MARCHF1: variants seen among roughly 807,000 people sequenced by gnomAD.
MARCHF1 encodes the protein E3 ubiquitin-protein ligase MARCHF1.
Under a neutral mutation model 54.2 loss-of-function variants are expected in MARCHF1, and 40 were observed. The observed-to-expected ratio is 0.74, with a 90% CI of 0.57 to 0.96. The LOEUF (loss-of-function observed/expected upper bound fraction) is 0.96. Ranked by LOEUF, MARCHF1 falls within the 40% of genes least tolerant of loss-of-function variation. MARCHF1 has a pLI of 0.00. For missense variants in MARCHF1, 586 were observed against 656.5 expected, an observed-to-expected ratio of 0.89 and a Z score of 1.17; for synonymous variants, 236 against 236.3, an observed-to-expected ratio of 1.00 and a Z score of 0.01.
At chr4:163,964,057 T>C (rs1246777647) in intron 3 of MARCHF1, among the ~76,000 whole-genome samples, 1 of 152,006 alleles carries the variant, frequency 6.6e-6, no homozygotes, top group Non-Finnish European at 1.5e-5. Context: ...AAGGGTTTTC[T>C]GGGACCCCAG....
At chr4:164,035,566 G>A (rs1488906441) in intron 2 of MARCHF1, among the ~76,000 whole-genome samples, 1 of 149,320 alleles carries the variant, frequency 6.7e-6, no homozygotes, top group African/African-American at 2.5e-5. Flanking sequence ...AGAAACTCAT[G>A]CTTAAACCTT....
At chr4:163,610,726 G>A (rs553071806) in intron 7 of MARCHF1, among the ~76,000 whole-genome samples, 28 of 152,092 alleles carry the variant, frequency 1.8e-4, no homozygotes, top group African/African-American at 6.0e-4. Context: ...TAAATTACAC[G>A]GTGACAGTTT....
chr4:164,026,510 C>T (rs547666652), intron 2 of MARCHF1, among the ~76,000 whole-genome samples: 1 of 151,788 alleles, frequency 6.6e-6, no homozygotes, highest in East Asian at 1.9e-4. Context: ...TAGACACACA[C>T]AAAAAAATAT....
At chr4:163,638,482 T>A (rs140101844) in intron 5 of MARCHF1, among the ~76,000 whole-genome samples, 318 of 152,236 alleles carry the variant, frequency 2.1e-3, no homozygotes, top group African/African-American at 6.9e-3. Context: ...AATGCTATGA[T>A]TGAAAGTTTC....
chr4:164,285,247 T>C (rs1734113912), intron 1 of MARCHF1, among the ~76,000 whole-genome samples: 1 of 151,978 alleles, frequency 6.6e-6, no homozygotes, highest in African/African-American at 2.4e-5. Flanking sequence ...TGAAGATATT[T>C]GGCCTGAAGC....
intron 3 of MARCHF1, among the ~76,000 whole-genome samples, chr4:163,913,182 T>C (rs1751232717): frequency 6.6e-6 from 1 of 152,164 alleles, no homozygotes; most frequent in African/African-American, 2.4e-5. Context: ...CCAAAATGCA[T>C]CAGAGTGGTA....
At chr4:163,667,660 C>T (rs1743589204) in intron 5 of MARCHF1, among the ~76,000 whole-genome samples, 2 of 151,486 alleles carry the variant, frequency 1.3e-5, no homozygotes, top group South Asian at 2.1e-4. Context: ...GGATCTTGCT[C>T]TATTACCCAG....
At chr4:163,715,989 C>T (rs1197470867) in intron 4 of MARCHF1, among the ~76,000 whole-genome samples, 1 of 152,084 alleles carries the variant, frequency 6.6e-6, no homozygotes, top group African/African-American at 2.4e-5. Flanking sequence ...GAATTTTCAT[C>T]AAGATAATGC....
At chr4:163,945,406 G>C (rs1203139592) in intron 3 of MARCHF1, among the ~76,000 whole-genome samples, 1 of 152,118 alleles carries the variant, frequency 6.6e-6, no homozygotes, top group Admixed American at 6.6e-5. Flanking sequence ...CAATCTGTTT[G>C]GGGTTGATTA....
At chr4:164,267,762 T>C (rs2111298548) in intron 1 of MARCHF1, among the ~76,000 whole-genome samples, 1 of 152,144 alleles carries the variant, frequency 6.6e-6, no homozygotes, top group African/African-American at 2.4e-5. Context: ...GTACTAGAAA[T>C]TAAAAAAATA....
At chr4:164,147,323 G>C (rs1650198873) in intron 1 of MARCHF1, among the ~76,000 whole-genome samples, 1 of 148,698 alleles carries the variant, frequency 6.7e-6, no homozygotes. Context: ...CCATTACTGG[G>C]TATATACCCA....
Position 164,145,049 on chromosome 4 carries a change from C to T in MARCHF1, c.-322-33387G>A, listed in dbSNP as rs377332871. ...TCAGAGAATACTACAAACACCTCTA[C>T]GCAAATAAACTAGAAAATCTAGAAG... On this transcript the variant is annotated intron_variant, in intron 1 of 9. Coordinates refer to ENST00000514618, the MANE Select transcript of MARCHF1 (RefSeq NM_001394959.1). Among the ~76,000 whole-genome samples, 73 of 132,562 alleles carry T rather than the reference C, an allele frequency of 5.5e-4. 1 individual carries two copies. Among genetic ancestry groups the T allele is most frequent in the South Asian group, 7.3e-4 (3 of 4,108 alleles). 87.0% of individuals were successfully genotyped at this position (132,562 alleles called of 152,430 possible).
intron 3 of MARCHF1, among the ~76,000 whole-genome samples, chr4:163,962,525 C>A (rs1579424695): frequency 6.6e-6 from 1 of 151,814 alleles, no homozygotes; most frequent in Non-Finnish European, 1.5e-5. Flanking sequence ...ATGATTATGA[C>A]CTAAATTTGA....
intron 4 of MARCHF1, among the ~76,000 whole-genome samples, chr4:163,701,569 G>A (rs947129489): frequency 3.3e-5 from 5 of 152,086 alleles, no homozygotes; most frequent in African/African-American, 9.7e-5. Context: ...GGGCCCTCCC[G>A]TTTGAAGCCC....
chr4:163,564,696 C>T (rs908295674), intron 8 of MARCHF1, among the ~76,000 whole-genome samples: 11 of 152,112 alleles, frequency 7.2e-5, no homozygotes, highest in South Asian at 2.1e-4. Flanking sequence ...AGGTGCATTG[C>T]CAGGATTAGG....
intron 1 of MARCHF1, among the ~76,000 whole-genome samples, chr4:164,347,155 GA>G (rs1311740702): frequency 1.3e-5 from 2 of 150,754 alleles, no homozygotes; most frequent in South Asian, 2.1e-4. Flanking sequence ...AAGAACATGT[GA>G]AAAAAAAATT....
At chr4:164,177,856 CAG>C (rs1730731726) in intron 1 of MARCHF1, among the ~76,000 whole-genome samples, 1 of 150,606 alleles carries the variant, frequency 6.6e-6, no homozygotes, top group Non-Finnish European at 1.5e-5. Context: ...AAGACAGAGA[CAG>C]AGAAAGAATG....
chr4:164,011,101 C>A (rs1045697371), intron 2 of MARCHF1, among the ~76,000 whole-genome samples: 4 of 152,004 alleles, frequency 2.6e-5, no homozygotes, highest in Non-Finnish European at 5.9e-5. Context: ...TCGAACCACG[C>A]CCCAAATTCA....
intron 2 of MARCHF1, among the ~76,000 whole-genome samples, chr4:164,066,968 T>G (rs937992473): frequency 6.6e-6 from 1 of 152,000 alleles, no homozygotes; most frequent in Admixed American, 6.6e-5. Context: ...TAAACCCCCA[T>G]GATATAAGTT....
Sources: allele counts gnomAD v4.1 joint callset (sites outside exome capture counted in the v4.1 genomes callset), GRCh38; gene constraint gnomAD v4.1.1; transcripts MANE v1.5; gene names NCBI Gene and HGNC (gene_info 2026-07-23, HGNC 2026-07-21).